The following CIB2 variants were observed in gnomAD, a reference collection of about 807,000 sequenced individuals.
CIB2 encodes calcium and integrin binding family member 2.
In CIB2, 19 loss-of-function variants were observed where a neutral mutation model predicts 23.1. The observed-to-expected ratio is 0.82, with a 90% CI of 0.57 to 1.21. CIB2 has a LOEUF of 1.21. Among genes scored for constraint, CIB2 ranks in the 50% most tolerant of loss-of-function variants. CIB2 has a pLI of 0.00. For synonymous variants in CIB2, 94 were observed against 91.7 expected (o/e 1.03, Z -0.14); for missense variants, 220 against 241.5 (o/e 0.91, Z 0.59).
intron 4 of CIB2, among the ~76,000 whole-genome samples, chr15:78,107,411 G>A (rs1390170955): frequency 1.3e-5 from 2 of 152,316 alleles, no homozygotes; most frequent in East Asian, 1.9e-4. Flanking sequence ...TCTGCCCATG[G>A]CATGGGACAT....
intron 4 of CIB2, 39 bp from the exon 5 acceptor site, chr15:78,105,973 C>G (rs1448995575): frequency 1.3e-6 from 2 of 1,570,414 alleles, no homozygotes; most frequent in Non-Finnish European, 1.8e-6. Flanking sequence ...GTCCAGGCTG[C>G]GTGCACCCAG....
chr15:78,126,150 CTT>C (rs370337737), intron 1 of CIB2, among the ~76,000 whole-genome samples: 2 of 138,894 alleles, frequency 1.4e-5, no homozygotes, highest in African/African-American at 2.7e-5. Context: ...GCCCCCCCCC[CTT>C]TTTTTTTTGA....
chr15:78,106,771 G>T (rs1052730873), intron 4 of CIB2, among the ~76,000 whole-genome samples: 1 of 152,078 alleles, frequency 6.6e-6, no homozygotes, highest in Non-Finnish European at 1.5e-5. Flanking sequence ...CTAGCGATAA[G>T]GGTCCTCTTC....
chr15:78,106,021 C>T, intron 4 of CIB2, 87 bp from the exon 5 acceptor site: 2 of 1,027,334 alleles, frequency 1.9e-6, no homozygotes, highest in South Asian at 2.9e-5. Flanking sequence ...TAGCTGGCCC[C>T]ACTACCTCCA....
intron 3 of CIB2, chr15:78,110,624 T>C (rs1244836390): frequency 4.4e-6 from 2 of 455,708 alleles, no homozygotes; most frequent in African/African-American, 4.0e-5. Context: ...TTCAGATATA[T>C]ATGGTCTGAG....
In CIB2 at chr15:78,109,218, C is replaced by T; in HGVS notation, c.346+17G>A. 2.6e-6 allele frequency: 3 copies of T among 1,153,558 alleles called. No individual in the cohort carries two copies. The highest frequency in any genetic ancestry group is 3.7e-6 in the Non-Finnish European group (3 of 814,756). 71.5% of individuals were successfully genotyped at this position (1,153,558 alleles called of 1,614,324 possible). On this transcript the variant is annotated intron_variant, in intron 4 of 5. Transcript: ENST00000258930. Reference sequence around the variant, plus strand: ...CCCCCACCGCATATTCAGGCCCCCTCCTCTAGCCCTGGTTACCATAGATCT... The same window carrying T: ...CCCCCACCGCATATTCAGGCCCCCTTCTCTAGCCCTGGTTACCATAGATCT...
chr15:78,123,078 C>T (rs1341047251), intron 2 of CIB2, among the ~76,000 whole-genome samples: 1 of 152,122 alleles, frequency 6.6e-6, no homozygotes. Flanking sequence ...GCTGCCGATC[C>T]CCTTTATCTT....
Position 78,110,874 on chromosome 15 carries a change from GGTCTGCC to G in CIB2, c.198+284_198+290del, listed in dbSNP as rs2074148619. 9.4e-6 allele frequency: 3 copies of G among 320,198 alleles called. No individual in the cohort carries two copies. The East Asian group carries it at 1.6e-4, about 17-fold the overall frequency. 19.8% of individuals were successfully genotyped at this position (320,198 alleles called of 1,614,324 possible). On this transcript the variant is annotated intron_variant, in intron 3 of 5. Coordinates refer to ENST00000258930, the MANE Select transcript of CIB2 (RefSeq NM_006383.4). ...AAAGTTATCTAACAAAGCAGACACA[GGTCTGCC>G]AACTACAGCAGGCTTGGGGCCACTT...
intron 4 of CIB2, among the ~76,000 whole-genome samples, chr15:78,106,341 G>C (rs941295944): frequency 6.6e-6 from 1 of 152,356 alleles, no homozygotes; most frequent in Non-Finnish European, 1.5e-5. Flanking sequence ...AGGTGGGAGA[G>C]CCACTCGGAG....
intron 4 of CIB2, 35 bp downstream of exon 4, chr15:78,109,200 C>CGGGGGGGG: frequency 8.6e-7 from 1 of 1,159,172 alleles, no homozygotes; most frequent in Non-Finnish European, 1.2e-6. Context: ...GTTCCCCCAC[C>CGGGGGGGG]GCATATTCAG....
At position 78,131,126 on chromosome 15, in the gene CIB2, G is replaced by T. The variant is rs1297808222; in HGVS notation, c.51+39C>A. The T allele has an allele frequency of 3.3e-6, 5 of 1,537,928 alleles. No homozygotes were observed. The Admixed American group carries it at 9.2e-5, about 28-fold the overall frequency. ...CGAGAAAAGGGAGGGGCGGCGGGGC[G>T]GCGGGGCCTGTGTTGGGGGCCGGGC... is the stretch of plus-strand genomic sequence containing the variant. On this transcript the variant is annotated intron_variant, in intron 1 of 5. Transcript: ENST00000258930. The surrounding 1 kb of genome is among the most constrained non-coding windows in gnomAD (Gnocchi z 5.8).
intron 4 of CIB2, among the ~76,000 whole-genome samples, chr15:78,108,036 G>T (rs2074097035): frequency 6.6e-6 from 1 of 151,802 alleles, no homozygotes; most frequent in Non-Finnish European, 1.5e-5. Context: ...GCCAGGTGTA[G>T]TGGCGGGCAC....
intron 2 of CIB2, among the ~76,000 whole-genome samples, chr15:78,112,544 G>A (rs1242757878): frequency 6.6e-6 from 1 of 152,242 alleles, no homozygotes; most frequent in African/African-American, 2.4e-5. Flanking sequence ...TCCAGCCTGG[G>A]CAACAGAGCG....
chr15:78,105,814 GC>G lies in CIB2; in HGVS notation c.466del (p.Ala156LeufsTer17). On this transcript the variant is annotated frameshift_variant, in exon 5 of 6. Transcript: ENST00000258930. LOFTEE classifies it high-confidence loss of function. The stretch of plus-strand genomic sequence containing the variant: ...CAGCTTGCCGTCACCGTCCAAGTCA[GC>G]CTCCTCAATGACCTTGTCGCACACA... ...VLVCDKVIEE[A>X]DLDGDGKLGF... The G allele has an allele frequency of 6.2e-7, 1 of 1,614,164 alleles. No individual in the cohort carries two copies. Among genetic ancestry groups the G allele is most frequent in the South Asian group, 1.1e-5 (1 of 91,084 alleles).
intron 2 of CIB2, among the ~76,000 whole-genome samples, chr15:78,115,319 G>A (rs915190697): frequency 6.6e-6 from 1 of 150,706 alleles, no homozygotes; most frequent in Non-Finnish European, 1.5e-5. Context: ...GTGCAGTGGC[G>A]CAATCTTGGC....
chr15:78,111,325 C>G (rs767412639), intron 2 of CIB2, 49 bp from the exon 3 acceptor site: 20 of 1,481,724 alleles, frequency 1.3e-5, no homozygotes, highest in Non-Finnish European at 1.9e-5. Context: ...CATCCCTAAG[C>G]CCCAGCAGCC....
At chr15:78,130,972 TA>T (rs1386919861) in intron 1 of CIB2, among the ~76,000 whole-genome samples, 192 bp downstream of exon 1, 5 of 151,982 alleles carry the variant, frequency 3.3e-5, no homozygotes, top group Non-Finnish European at 2.9e-5. Context: ...AAAGAGCTCT[TA>T]TTCCACCGGT....
At position 78,123,688 on chromosome 15, in the gene CIB2, C is replaced by T. The variant is rs371955410; in HGVS notation, c.86+17G>A. 51 of 1,613,876 alleles carry T rather than the reference C, an allele frequency of 3.2e-5. No individual in the cohort carries two copies. The highest frequency in any genetic ancestry group is 5.0e-5 in the Admixed American group (3 of 59,994). On this transcript the variant is annotated intron_variant, in intron 2 of 5. Coordinates refer to ENST00000258930, the MANE Select transcript of CIB2 (RefSeq NM_006383.4). ...CCAGTCCCAGTCCCAACAGGGTGAA[C>T]GAGAAGCCACACTTACTTGAGGATG... is the stretch of plus-strand genomic sequence containing the variant.
chr15:78,126,149 C>CG (rs373142166), intron 1 of CIB2, among the ~76,000 whole-genome samples: 6 of 126,906 alleles, frequency 4.7e-5, no homozygotes, highest in South Asian at 2.4e-4. Context: ...TGCCCCCCCC[C>CG]CTTTTTTTTT....
Sources: gnomAD v4.1 joint callset for allele counts (sites outside exome capture counted in the v4.1 genomes callset) on GRCh38, gnomAD v4.1.1 for gene constraint, Gnocchi (gnomAD v3.1) non-coding constraint, MANE v1.5 for transcripts, NCBI Gene and HGNC (gene_info 2026-07-23, HGNC 2026-07-21) for gene names.